Variants in ADCY5 observed in about 807,000 individuals in gnomAD.
ADCY5 encodes adenylate cyclase 5, also known as adenylate cyclase type 5.
Under a neutral mutation model 119.7 loss-of-function variants are expected in ADCY5, and 30 were observed. The observed-to-expected ratio is 0.25, with a 90% CI of 0.19 to 0.34. ADCY5 has a LOEUF of 0.34. Among genes scored for constraint, ADCY5 ranks in the 10% least tolerant of loss-of-function variants. The pLI, the probability that ADCY5 is intolerant of heterozygous loss-of-function variation, is 1.00. For synonymous variants in ADCY5, 753 were observed against 762.2 expected (o/e 0.99, Z 0.20); for missense variants, 1,324 against 1,775.2 (o/e 0.75, Z 4.57).
chr3:123,303,624 G>GACCAGCCTGGCA (rs1160492198), intron 13 of ADCY5, among the ~76,000 whole-genome samples: 1 of 152,020 alleles, frequency 6.6e-6, no homozygotes, highest in Non-Finnish European at 1.5e-5. Flanking sequence ...CCAGCCTGGC[G>GACCAGCCTGGCA]ACCAGCCTGG....
chr3:123,420,034 A>G (rs994778933), intron 1 of ADCY5: 4 of 152,114 alleles, frequency 2.6e-5, no homozygotes, highest in Non-Finnish European at 4.4e-5. Flanking sequence ...TGCTCAAGAC[A>G]TATCTGTTTC....
rs397803040 is a variant in ADCY5, at chr3:123,317,346, T to TC, written c.2354+673dup. On this transcript the variant is annotated intron_variant, in intron 11 of 20. Coordinates refer to ENST00000462833, the MANE Select transcript of ADCY5 (RefSeq NM_183357.3). ...TCTTTTGAAGATTTTTTTTTTTTTTTCAAGAACTAACAGAAAGCAGCCCAG... is the reference window on the plus strand; with the variant it reads ...TCTTTTGAAGATTTTTTTTTTTTTTTCCAAGAACTAACAGAAAGCAGCCCAG... Among the ~76,000 whole-genome samples, 6 of 151,242 alleles carry TC rather than the reference T, an allele frequency of 4.0e-5. No homozygotes were observed. In the South Asian group the frequency reaches 6.3e-4, roughly 16 times the overall value.
chr3:123,392,593 G>C (rs1049050855), intron 1 of ADCY5, among the ~76,000 whole-genome samples: 2 of 152,260 alleles, frequency 1.3e-5, no homozygotes, highest in Non-Finnish European at 2.9e-5. Flanking sequence ...CAGCCGATGA[G>C]TGGTGACAAA....
At chr3:123,309,709 T>C (rs900219871) in intron 12 of ADCY5, among the ~76,000 whole-genome samples, 1 of 152,092 alleles carries the variant, frequency 6.6e-6, no homozygotes, top group South Asian at 2.1e-4. Flanking sequence ...ATCTCCTAAA[T>C]GAATGACGTG....
chr3:123,330,525 C>G (rs374089022), intron 5 of ADCY5, among the ~76,000 whole-genome samples: 1 of 152,198 alleles, frequency 6.6e-6, no homozygotes, highest in South Asian at 2.1e-4. Flanking sequence ...GTGGAACCAG[C>G]AGTTCGATGC....
At chr3:123,329,275 C>T (rs1941647205) in intron 5 of ADCY5, among the ~76,000 whole-genome samples, 2 of 152,156 alleles carry the variant, frequency 1.3e-5, no homozygotes, top group South Asian at 4.1e-4. Context: ...AAGATGTTAG[C>T]AGGGTGATGG....
rs919237740 is a variant in ADCY5 at position 123,448,705 on chromosome 3, C to G, written c.-160G>C. On this transcript the variant is annotated 5_prime_UTR_variant, in exon 1 of 21. Coordinates refer to ENST00000462833, the MANE Select transcript of ADCY5 (RefSeq NM_183357.3). ...CAGCGGGGCATCTTGGCACCCCCGT[C>G]CTGAGCGGAGGAGGAGGGCACAGCC... is the stretch of plus-strand genomic sequence containing the variant. The G allele has an allele frequency of 2.1e-4, 121 of 563,358 alleles. No individual in the cohort carries two copies. In the East Asian group the frequency reaches 4.1e-3, roughly 19 times the overall value. The allele number at this position is 563,358 out of a possible 1,614,324, so 34.9% of individuals were successfully genotyped here.
chr3:123,321,576 C>T (rs1415829774), intron 8 of ADCY5, among the ~76,000 whole-genome samples: 6 of 152,070 alleles, frequency 3.9e-5, no homozygotes, highest in Admixed American at 1.3e-4. Context: ...GACAAGTAGC[C>T]CCAGGACTTG....
chr3:123,417,829 GA>G (rs1273679039), intron 1 of ADCY5, among the ~76,000 whole-genome samples: 16 of 152,158 alleles, frequency 1.1e-4, no homozygotes, highest in African/African-American at 3.9e-4. Context: ...TGACATTCTA[GA>G]ATTTTATGAA....
rs1159703258 is a variant in ADCY5, at chr3:123,393,604, AT to A, written c.1135-41024del. 3.3e-3 allele frequency among the ~76,000 whole-genome samples: 506 copies of A among 151,658 alleles called. 3 individuals are homozygous for A. The highest frequency in any genetic ancestry group is 0.012 in the African/African-American group (489 of 41,024). On this transcript the variant is annotated intron_variant, in intron 1 of 20. Coordinates refer to ENST00000462833, the MANE Select transcript of ADCY5 (RefSeq NM_183357.3). ...ATAAAATAAAATAAAATAAAATAAA[AT>A]GAGGGTGTGAGGGACAGCGTCACAT...
chr3:123,390,000 C>T (rs1944355263), intron 1 of ADCY5, among the ~76,000 whole-genome samples: 1 of 152,190 alleles, frequency 6.6e-6, no homozygotes, highest in African/African-American at 2.4e-5. Context: ...GGCCTGGCTT[C>T]CTACAGGGCC....
rs1945182573 is a variant in ADCY5, at chr3:123,416,241, G to A, written c.1134+31171C>T. The A allele has an allele frequency of 2.6e-6, 4 of 1,536,022 alleles. No homozygotes were observed. In the African/African-American group the frequency reaches 5.5e-5, roughly 21 times the overall value. ...TCTGAATGGACAGGTCACCTCTGCT[G>A]CAACAGCCCTCTTTCTGAGACTTCA... On this transcript the variant is annotated intron_variant, in intron 1 of 20. Transcript: ENST00000462833.
chr3:123,416,717 T>C (rs7653529), intron 1 of ADCY5, among the ~76,000 whole-genome samples: 2,096 of 152,142 alleles, frequency 0.014, 48 homozygotes, highest in African/African-American at 0.047. Flanking sequence ...CAGCAAGCAG[T>C]TATCTCCCTC....
intron 3 of ADCY5, among the ~76,000 whole-genome samples, chr3:123,337,534 G>A (rs1559818058): frequency 6.6e-6 from 1 of 152,228 alleles, no homozygotes; most frequent in African/African-American, 2.4e-5. Flanking sequence ...CTCTCCTTGT[G>A]TATTCCTAGC....
intron 1 of ADCY5, among the ~76,000 whole-genome samples, chr3:123,446,776 C>A (rs1320604158): frequency 6.6e-6 from 1 of 152,184 alleles, no homozygotes; most frequent in East Asian, 1.9e-4. Flanking sequence ...GGAATTGCCA[C>A]CACACACATC....
intron 1 of ADCY5, among the ~76,000 whole-genome samples, chr3:123,366,500 G>C (rs1206408936): frequency 6.6e-6 from 1 of 152,240 alleles, no homozygotes; most frequent in Non-Finnish European, 1.5e-5. Context: ...TGACAGAAAA[G>C]GGAAGGGGGG....
chr3:123,315,002 G>A (rs796926672), intron 11 of ADCY5, among the ~76,000 whole-genome samples: 3 of 152,110 alleles, frequency 2.0e-5, no homozygotes, highest in African/African-American at 4.8e-5. Flanking sequence ...CAGATCACAG[G>A]TGACCTTCAC....
rs150619991 is a variant in ADCY5 at position 123,291,452 on chromosome 3, G to A, written c.3064-76C>T. On this transcript the variant is annotated intron_variant, in intron 17 of 20. Transcript: ENST00000462833. ...TCGGCCCCTCCACCTCCTCCTCTCC[G>A]TGGCCTGGAGAAAAAGCACCAGTCA... The A allele has an allele frequency of 6.8e-4, 1,040 of 1,523,072 alleles. 9 individuals carry two copies. The African/African-American group carries it at 0.011, about 16-fold the overall frequency. 94.3% of individuals were successfully genotyped at this position (1,523,072 alleles called of 1,614,324 possible).
At chr3:123,308,792 G>GCACTC in intron 12 of ADCY5, among the ~76,000 whole-genome samples, 1 of 152,278 alleles carries the variant, frequency 6.6e-6, no homozygotes, top group East Asian at 1.9e-4. Flanking sequence ...TCGTGCCACT[G>GCACTC]CACTCCAGCC....
Sources: gnomAD v4.1 joint callset for allele counts (sites outside exome capture counted in the v4.1 genomes callset) on GRCh38, gnomAD v4.1.1 for gene constraint, MANE v1.5 for transcripts, NCBI Gene and HGNC (gene_info 2026-07-23, HGNC 2026-07-21) for gene names.